Variants in GRK4 observed in about 807,000 individuals in gnomAD.
The protein encoded by GRK4 is G protein-coupled receptor kinase 2-like.
In GRK4, 73 loss-of-function variants were observed where a neutral mutation model predicts 77.9. That is an observed-to-expected ratio of 0.94 (90% CI 0.78 to 1.14). GRK4 has a LOEUF of 1.14. Among genes scored for constraint, GRK4 ranks in the 50% most tolerant of loss-of-function variants. The pLI is 0.00. For missense variants in GRK4, 729 were observed against 700.2 expected, an observed-to-expected ratio of 1.04 and a Z score of -0.46; for synonymous variants, 257 against 254.4, an observed-to-expected ratio of 1.01 and a Z score of -0.10.
chr4:3,007,748 C>G lies in GRK4; in HGVS notation c.456C>G (p.Asn152Lys). 1 of 1,593,302 alleles carries G rather than the reference C, an allele frequency of 6.3e-7. No individual in the cohort carries two copies. The highest frequency in any genetic ancestry group is 8.5e-7 in the Non-Finnish European group (1 of 1,171,396). Residue 152 changes from asparagine (N) to lysine (K), a missense_variant, in exon 6 of 16, where the codon AAC becomes AAG. Asn to Lys is a moderately conservative substitution (Grantham distance 94). Coordinates refer to ENST00000398052, the MANE Select transcript of GRK4 (RefSeq NM_182982.3). ...AFEECTRVAHNYLRGEPFEEY... is the reference protein window; with the variant it reads ...AFEECTRVAHKYLRGEPFEEY... ...AATCTTTTTCTAGAGTTGCCCATAA[C>G]TACCTAAGAGGGGAACCATTTGAAG...
chr4:3,040,276 G>A (rs1176992582), intron 15 of GRK4, among the ~76,000 whole-genome samples: 1 of 151,896 alleles, frequency 6.6e-6, no homozygotes, highest in Non-Finnish European at 1.5e-5. Context: ...CCCCGTCTCT[G>A]CTAAAAATAC....
In GRK4 at chr4:3,027,895, C is replaced by T. The variant is rs756280808; in HGVS notation, c.971-17C>T. On this transcript the variant is annotated splice_polypyrimidine_tract_variant and intron_variant, in intron 10 of 15. Coordinates refer to ENST00000398052, the MANE Select transcript of GRK4 (RefSeq NM_182982.3). ...ACTTCCCCCGTGACCTGTGTAATAA[C>T]ATATTTGAACACACAGGACACATCC... The T allele has an allele frequency of 6.2e-7, 1 of 1,607,612 alleles. No homozygotes were observed.
At chr4:3,038,743 T>C (rs1173869161) in intron 15 of GRK4, 8 of 468,686 alleles carry the variant, frequency 1.7e-5, no homozygotes, top group Non-Finnish European at 1.9e-5. Flanking sequence ...AAAACAGGAC[T>C]ACCTTCCAGC....
At chr4:3,011,777 T>G (rs2109897216) in intron 7 of GRK4, among the ~76,000 whole-genome samples, 1 of 152,320 alleles carries the variant, frequency 6.6e-6, no homozygotes, top group East Asian at 1.9e-4. Context: ...ACCTAGTTGG[T>G]TTTATTTTGT....
rs200471975 is a variant in GRK4 at position 3,027,932 on chromosome 4, C to G, written c.991C>G (p.Leu331Val). The G allele has an allele frequency of 6.2e-7, 1 of 1,614,058 alleles. No individual in the cohort carries two copies. Among genetic ancestry groups the G allele is most frequent in the Admixed American group, 1.7e-5 (1 of 60,006 alleles). ...DDRGHIRISD[L>V]GLATEIPEGQ... ...CACAGGACACATCCGGATTTCAGAC[C>G]TCGGTTTGGCCACAGAGATCCCAGA... The change falls in exon 11 of 16, where the codon CTC (leucine) becomes GTC (valine). Residue 331 changes from leucine to valine, a missense_variant. Transcript: ENST00000398052.
At chr4:2,969,625 C>T (rs1288092598) in intron 1 of GRK4, among the ~76,000 whole-genome samples, 1 of 151,986 alleles carries the variant, frequency 6.6e-6, no homozygotes, top group East Asian at 1.9e-4. Flanking sequence ...ATCCGCCCAC[C>T]TCGGCCTCCC....
In GRK4 at chr4:3,028,720, G is replaced by A. The variant is rs181993194; in HGVS notation, c.1061-481G>A. 5.5e-3 allele frequency among the ~76,000 whole-genome samples: 840 copies of A among 152,168 alleles called. 4 individuals carry two copies. Among genetic ancestry groups the A allele is most frequent in the Non-Finnish European group, 8.9e-3 (603 of 68,012 alleles). On this transcript the variant is annotated intron_variant, in intron 11 of 15. Transcript: ENST00000398052. ...ACCAGTTTGAAGTGTGTAATACAAC[G>A]GATTTTAGTATTTTCACAGAGTCAT...
intron 8 of GRK4, among the ~76,000 whole-genome samples, 170 bp from the exon 9 acceptor site, chr4:3,019,471 A>G (rs926320012): frequency 1.3e-5 from 2 of 152,212 alleles, no homozygotes; most frequent in African/African-American, 2.4e-5. Context: ...TCAGCATGCC[A>G]AGGTCCAAGA....
chr4:2,965,129 A>C, intron 1 of GRK4: 1 of 609,100 alleles, frequency 1.6e-6, no homozygotes, highest in Non-Finnish European at 2.9e-6. Flanking sequence ...GTTTGCTTAT[A>C]AAAATCCTGC....
Position 3,004,350 on chromosome 4 carries a change from T to A in GRK4, c.443+16T>A. ...AATGTACTAGGTAAGTGGTTCATGC[T>A]GAGCCCTGCATATATTATCTATGAC... is the stretch of plus-strand genomic sequence containing the variant. On this transcript the variant is annotated intron_variant, in intron 5 of 15. Coordinates refer to ENST00000398052, the MANE Select transcript of GRK4 (RefSeq NM_182982.3). 6.7e-7 allele frequency: 1 copy of A among 1,487,670 alleles called. No homozygotes were observed. Among genetic ancestry groups the A allele is most frequent in the South Asian group, 1.1e-5 (1 of 88,680 alleles). The allele number at this position is 1,487,670 out of a possible 1,614,324, so 92.2% of individuals were successfully genotyped here.
At chr4:3,001,225 ATATGTG>A (rs1287054198) in intron 4 of GRK4, among the ~76,000 whole-genome samples, 1 of 144,714 alleles carries the variant, frequency 6.9e-6, no homozygotes, top group Non-Finnish European at 1.5e-5. Context: ...ATATATGTAT[ATATGTG>A]TATGTGTATA....
At chr4:2,981,331 A>T (rs1424807874) in intron 1 of GRK4, among the ~76,000 whole-genome samples, 1 of 152,202 alleles carries the variant, frequency 6.6e-6, no homozygotes, top group Non-Finnish European at 1.5e-5. Context: ...TCCCATGTCC[A>T]GGAAGAATGA....
In GRK4 at chr4:3,038,458, A is replaced by G. The variant is rs764484732; in HGVS notation, c.1628A>G (p.His543Arg). The change falls in exon 15 of 16, where the codon CAT (histidine) becomes CGT (arginine). Residue 543 changes from histidine (H) to arginine (R), a missense_variant. His to Arg is a conservative substitution (Grantham distance 29). Coordinates refer to ENST00000398052, the MANE Select transcript of GRK4 (RefSeq NM_182982.3). ...ALPLDLDKNI[H>R]TPVSRPNRGF... ...CCATTAGATCTAGACAAGAACATAC[A>G]TACCCCGGTTTCCAGACCAAACAGA... 7 of 1,614,016 alleles carry G rather than the reference A, an allele frequency of 4.3e-6. No homozygotes were observed. Among genetic ancestry groups the G allele is most frequent in the Non-Finnish European group, 5.9e-6 (7 of 1,180,024 alleles).
chr4:2,995,725 A>C (rs369565224), intron 4 of GRK4, among the ~76,000 whole-genome samples: 48 of 151,860 alleles, frequency 3.2e-4, no homozygotes, highest in African/African-American at 1.1e-3. Flanking sequence ...GCTGCGTGGG[A>C]CACACTTCCA....
chr4:3,033,387 C>G (rs1040029468), intron 12 of GRK4, among the ~76,000 whole-genome samples: 1 of 152,114 alleles, frequency 6.6e-6, no homozygotes, highest in African/African-American at 2.4e-5. Context: ...GAAGGTCCCA[C>G]CTCTCAATAC....
At chr4:3,010,767 A>G (rs1439622417) in intron 7 of GRK4, among the ~76,000 whole-genome samples, 1 of 152,186 alleles carries the variant, frequency 6.6e-6, no homozygotes, top group African/African-American at 2.4e-5. Flanking sequence ...TGACTCAGAT[A>G]TTACTGCTCC....
chr4:2,987,130 C>T (rs762232174), intron 2 of GRK4: 106 of 518,642 alleles, frequency 2.0e-4, no homozygotes, highest in Non-Finnish European at 3.2e-4. Flanking sequence ...TGCCCGCTAC[C>T]TCCAGAGCTA....
At chr4:2,986,887 G>A (rs539313004) in intron 2 of GRK4, 2 of 321,528 alleles carry the variant, frequency 6.2e-6, no homozygotes, top group African/African-American at 4.4e-5. Context: ...AAAGGAGCTA[G>A]TATTTCCCTC....
chr4:3,040,631 C>T lies in GRK4; in HGVS notation c.*6C>T, dbSNP rs755568867. The T allele has an allele frequency of 1.9e-6, 3 of 1,609,262 alleles. No homozygotes were observed. Among genetic ancestry groups the T allele is most frequent in the Non-Finnish European group, 2.5e-6 (3 of 1,177,846 alleles). On this transcript the variant is annotated 3_prime_UTR_variant, in exon 16 of 16. Coordinates refer to ENST00000398052, the MANE Select transcript of GRK4 (RefSeq NM_182982.3). The stretch of plus-strand genomic sequence containing the variant: ...TGGAACCCAAGCAATGCTGAGCACC[C>T]CGGTGCGGACCACAGAGCAGACCCT...
Sources: gnomAD v4.1 joint callset for allele counts (sites outside exome capture counted in the v4.1 genomes callset) on GRCh38, gnomAD v4.1.1 for gene constraint, MANE v1.5 for transcripts, NCBI Gene and HGNC (gene_info 2026-07-23, HGNC 2026-07-21) for gene names.